GPC6: variants seen among roughly 807,000 people sequenced by gnomAD.
GPC6 encodes the protein glypican-6.
Under a neutral mutation model 55.2 loss-of-function variants are expected in GPC6, and 14 were observed. That is an observed-to-expected ratio of 0.25 (90% CI 0.17 to 0.40). The LOEUF is 0.40. GPC6 is among the 10% of genes least tolerant of loss of function. GPC6 has a pLI of 1.00. For missense variants in GPC6, 641 were observed against 708.5 expected (o/e 0.90, Z 1.08); for synonymous variants, 278 against 259.6 (o/e 1.07, Z -0.68).
At chr13:94,208,253 G>GT (rs1157776602) in intron 4 of GPC6, among the ~76,000 whole-genome samples, 1 of 152,302 alleles carries the variant, frequency 6.6e-6, no homozygotes, top group East Asian at 1.9e-4. Flanking sequence ...GTGTTTTTGG[G>GT]TAAAGCACCT....
At position 94,269,039 on chromosome 13, in the gene GPC6, A is replaced by AT. The variant is rs533445857; in HGVS notation, c.878-17303dup. Reference sequence around the variant, plus strand: ...ACTCCATTAAGCTTGTTTTATTTTTATTTTTTTCAAAATGAGGCGAAGAAT... The same window carrying AT: ...ACTCCATTAAGCTTGTTTTATTTTTATTTTTTTTCAAAATGAGGCGAAGAAT... On this transcript the variant is annotated intron_variant, in intron 4 of 8. Transcript: ENST00000377047. 6.2e-4 allele frequency among the ~76,000 whole-genome samples: 95 copies of AT among 152,064 alleles called. No homozygotes were observed. The South Asian group carries it at 9.4e-3, about 15-fold the overall frequency.
intron 5 of GPC6, among the ~76,000 whole-genome samples, chr13:94,301,301 G>T (rs775571122): frequency 6.6e-6 from 1 of 152,156 alleles, no homozygotes; most frequent in African/African-American, 2.4e-5. Flanking sequence ...GGAGGCTGAG[G>T]CAAGAGGATA....
At chr13:93,321,773 T>C (rs1002718838) in intron 1 of GPC6, among the ~76,000 whole-genome samples, 4 of 152,196 alleles carry the variant, frequency 2.6e-5, no homozygotes, top group Non-Finnish European at 5.9e-5. Flanking sequence ...TCCATATCTG[T>C]GAGCAGACTA....
intron 4 of GPC6, among the ~76,000 whole-genome samples, chr13:94,065,405 G>A (rs1349493591): frequency 6.6e-6 from 1 of 152,144 alleles, no homozygotes; most frequent in Non-Finnish European, 1.5e-5. Context: ...TGACCTTTAG[G>A]AAGTTTGATG....
At chr13:93,836,289 A>T (rs1052882422) in intron 3 of GPC6, 2 of 152,242 alleles carry the variant, frequency 1.3e-5, no homozygotes, top group Non-Finnish European at 2.9e-5. Flanking sequence ...AACCATTCTG[A>T]AGAATTTACC....
At chr13:94,083,736 A>AGTCCTTT (rs1885187830) in intron 4 of GPC6, among the ~76,000 whole-genome samples, 1 of 152,202 alleles carries the variant, frequency 6.6e-6, no homozygotes, top group Admixed American at 6.5e-5. Context: ...GACTAGTATT[A>AGTCCTTT]ATAAACACTT....
chr13:93,658,483 C>A (rs1409247646), intron 2 of GPC6, among the ~76,000 whole-genome samples: 1 of 151,854 alleles, frequency 6.6e-6, no homozygotes, highest in Non-Finnish European at 1.5e-5. Context: ...TACCATCTTA[C>A]AATTTTACCA....
intron 1 of GPC6, among the ~76,000 whole-genome samples, chr13:93,466,948 A>G (rs969826143): frequency 1.3e-5 from 2 of 152,204 alleles, no homozygotes; most frequent in African/African-American, 4.8e-5. Context: ...CTTGAGAACA[A>G]GTATTATCCT....
At chr13:94,237,704 A>C (rs909560926) in intron 4 of GPC6, among the ~76,000 whole-genome samples, 2 of 152,104 alleles carry the variant, frequency 1.3e-5, no homozygotes, top group Admixed American at 1.3e-4. Context: ...ACTAGAGTAG[A>C]AAAAGGAGAT....
chr13:94,064,557 G>C (rs1329243325), intron 4 of GPC6, among the ~76,000 whole-genome samples: 1 of 151,950 alleles, frequency 6.6e-6, no homozygotes, highest in Non-Finnish European at 1.5e-5. Flanking sequence ...AGATGACCAG[G>C]ACTCATCTTG....
intron 1 of GPC6, among the ~76,000 whole-genome samples, chr13:93,495,556 G>T (rs1273330997): frequency 7.6e-6 from 1 of 132,222 alleles, no homozygotes; most frequent in Non-Finnish European, 1.6e-5. Context: ...GCTTTGTTCC[G>T]TTGCTGGTGA....
At chr13:94,283,945 C>T (rs929651458) in intron 4 of GPC6, among the ~76,000 whole-genome samples, 1 of 152,188 alleles carries the variant, frequency 6.6e-6, no homozygotes, top group Non-Finnish European at 1.5e-5. Flanking sequence ...TTCAGAGAAA[C>T]TTACCAACTA....
intron 4 of GPC6, among the ~76,000 whole-genome samples, chr13:94,037,090 A>G (rs568443714): frequency 6.6e-6 from 1 of 152,152 alleles, no homozygotes; most frequent in East Asian, 1.9e-4. Context: ...TAAAATCATC[A>G]ATAGTCCTAA....
chr13:93,394,858 A>C (rs1411243955), intron 1 of GPC6: 1 of 152,530 alleles, frequency 6.6e-6, no homozygotes, highest in Non-Finnish European at 1.5e-5. Flanking sequence ...GATCAGACTA[A>C]TACATTTAAA....
chr13:94,389,333 G>A (rs184225582), intron 7 of GPC6, among the ~76,000 whole-genome samples: 5 of 152,244 alleles, frequency 3.3e-5, no homozygotes, highest in Admixed American at 2.0e-4. Context: ...CTGGGCAGTC[G>A]GTGGCCATAA....
chr13:94,254,759 A>G (rs1175725725), intron 4 of GPC6, among the ~76,000 whole-genome samples: 3 of 152,138 alleles, frequency 2.0e-5, no homozygotes, highest in Non-Finnish European at 4.4e-5. Flanking sequence ...TCAAATTTTA[A>G]AATGAAATAC....
intron 1 of GPC6, among the ~76,000 whole-genome samples, chr13:93,233,864 G>T (rs1056124967): frequency 1.3e-5 from 2 of 152,154 alleles, no homozygotes; most frequent in African/African-American, 2.4e-5. Context: ...TAGACGGAAA[G>T]AATCCAAAGG....
intron 1 of GPC6, among the ~76,000 whole-genome samples, chr13:93,495,955 C>T (rs4329791): frequency 0.29 from 42,003 of 146,958 alleles, 6,385 homozygotes; most frequent in East Asian, 0.63. Flanking sequence ...TTTAAGTCTG[C>T]AGAGGTTACT....
intron 2 of GPC6, among the ~76,000 whole-genome samples, chr13:93,794,126 C>T (rs1156680029): frequency 6.6e-6 from 1 of 152,184 alleles, no homozygotes; most frequent in East Asian, 1.9e-4. Context: ...CTCTCACCTC[C>T]TTTCCACATT....
Sources: gnomAD v4.1 joint callset for allele counts (sites outside exome capture counted in the v4.1 genomes callset) on GRCh38, gnomAD v4.1.1 for gene constraint, MANE v1.5 for transcripts, NCBI Gene and HGNC (gene_info 2026-07-23, HGNC 2026-07-21) for gene names.